Variants in NEK11 observed in about 807,000 individuals in gnomAD.
The protein encoded by NEK11 is NIMA related kinase 11.
A neutral mutation model predicts 80.7 loss-of-function variants in NEK11; 72 were observed. That is an observed-to-expected ratio of 0.89 (90% confidence interval 0.74 to 1.08). The LOEUF is 1.08. NEK11 is among the 50% of genes least tolerant of loss of function. NEK11 has a pLI of 0.00. For synonymous variants in NEK11, 251 were observed against 260.7 expected, an observed-to-expected ratio of 0.96 and a Z score of 0.36; for missense variants, 764 against 763.6, an observed-to-expected ratio of 1.00 and a Z score of -0.01.
chr3:131,071,102 A>G lies in NEK11; in HGVS notation c.171-9321A>G, dbSNP rs531296925. 2.0e-5 allele frequency among the ~76,000 whole-genome samples: 3 copies of G among 152,364 alleles called. No individual in the cohort carries two copies. The South Asian group carries it at 6.2e-4, about 32-fold the overall frequency. ...TCATTTCTCTGAGATATTGTGAAAC[A>G]TCAGAGCAAAACCTTTTTTTTCAGG... is the stretch of plus-strand genomic sequence containing the variant. On this transcript the variant is annotated intron_variant, in intron 3 of 17. Transcript: ENST00000383366.
intron 14 of NEK11, among the ~76,000 whole-genome samples, chr3:131,224,185 A>T (rs1481790014): frequency 6.6e-6 from 1 of 152,176 alleles, no homozygotes; most frequent in East Asian, 1.9e-4. Context: ...ATATTTATGT[A>T]CAGTATAGTG....
intron 17 of NEK11, among the ~76,000 whole-genome samples, chr3:131,276,196 A>G (rs965989669): frequency 3.3e-5 from 5 of 152,252 alleles, no homozygotes; most frequent in African/African-American, 1.2e-4. Context: ...CTTTATCTAT[A>G]AAATGGTCAT....
In NEK11 at chr3:131,050,202, G is replaced by A. The variant is rs371543157; in HGVS notation, c.170+20324G>A. On this transcript the variant is annotated intron_variant, in intron 3 of 17. Coordinates refer to ENST00000383366, the MANE Select transcript of NEK11 (RefSeq NM_024800.5). Reference sequence around the variant, plus strand: ...ATTATTCATAATTCTTTATTACAACGAAATAAAACCTAAAGGTGGAATCAT... The same window carrying A: ...ATTATTCATAATTCTTTATTACAACAAAATAAAACCTAAAGGTGGAATCAT... Among the ~76,000 whole-genome samples the A allele has an allele frequency of 2.2e-4, 33 of 152,184 alleles. No individual in the cohort carries two copies. The East Asian group carries it at 3.3e-3, about 15-fold the overall frequency.
intron 15 of NEK11, among the ~76,000 whole-genome samples, chr3:131,241,765 G>A (rs567170166): frequency 6.6e-6 from 1 of 151,980 alleles, no homozygotes; most frequent in South Asian, 2.1e-4. Context: ...CTAAAAGATA[G>A]GCATGCATAT....
At chr3:131,331,326 T>C (rs2097077468) in intron 17 of NEK11, among the ~76,000 whole-genome samples, 1 of 152,228 alleles carries the variant, frequency 6.6e-6, no homozygotes, top group South Asian at 2.1e-4. Flanking sequence ...TCAGTAGATA[T>C]TTTTAAGTTC....
At chr3:131,221,047 C>T (rs934834342) in intron 14 of NEK11, among the ~76,000 whole-genome samples, 3 of 152,168 alleles carry the variant, frequency 2.0e-5, no homozygotes, top group Non-Finnish European at 4.4e-5. Flanking sequence ...CCCCTCTCCA[C>T]GTTACTCTCC....
At chr3:131,129,012 G>T (rs962170896) in intron 5 of NEK11, among the ~76,000 whole-genome samples, 1 of 141,576 alleles carries the variant, frequency 7.1e-6, no homozygotes, top group African/African-American at 2.6e-5. Flanking sequence ...TTTTCTTATT[G>T]TTGAGTTTTA....
At chr3:131,337,471 G>C (rs979983972) in intron 17 of NEK11, among the ~76,000 whole-genome samples, 7 of 151,742 alleles carry the variant, frequency 4.6e-5, no homozygotes, top group African/African-American at 1.5e-4. Context: ...GTTGTGGGGT[G>C]GGGGGAGTGG....
chr3:131,051,137 C>T (rs2068333315), intron 3 of NEK11, among the ~76,000 whole-genome samples: 2 of 152,164 alleles, frequency 1.3e-5, no homozygotes, highest in African/African-American at 4.8e-5. Context: ...TAAAAATAAT[C>T]AACAAGTTTT....
chr3:131,180,818 T>G (rs989961008), intron 14 of NEK11, among the ~76,000 whole-genome samples: 2 of 152,214 alleles, frequency 1.3e-5, no homozygotes, highest in Non-Finnish European at 2.9e-5. Flanking sequence ...GTGCAATATA[T>G]GTGAGGCATT....
chr3:131,115,905 T>TCTTC (rs2149398822), intron 5 of NEK11, among the ~76,000 whole-genome samples: 1 of 30,280 alleles, frequency 3.3e-5, no homozygotes, highest in East Asian at 8.9e-4. Context: ...GGTAGTGTTT[T>TCTTC]CTTTCTTTCT....
At chr3:131,136,395 G>A (rs908933135) in intron 7 of NEK11, among the ~76,000 whole-genome samples, 2 of 152,140 alleles carry the variant, frequency 1.3e-5, no homozygotes, top group Non-Finnish European at 2.9e-5. Context: ...ATTGAATGAG[G>A]TTGAGAACCT....
chr3:131,211,802 A>G (rs2094627774), intron 14 of NEK11, among the ~76,000 whole-genome samples: 1 of 152,102 alleles, frequency 6.6e-6, no homozygotes, highest in African/African-American at 2.4e-5. Flanking sequence ...TTCTTGTGCC[A>G]TGGTTTTCAT....
At chr3:131,105,719 T>G (rs1317610422) in intron 4 of NEK11, among the ~76,000 whole-genome samples, 2 of 152,184 alleles carry the variant, frequency 1.3e-5, no homozygotes, top group East Asian at 3.9e-4. Context: ...CCCCATGATT[T>G]GATTATCTCC....
At chr3:131,130,128 T>C (rs180995081) in intron 5 of NEK11, among the ~76,000 whole-genome samples, 5 of 152,320 alleles carry the variant, frequency 3.3e-5, no homozygotes, top group Non-Finnish European at 7.4e-5. Context: ...TTGTGTAGCT[T>C]TCCTCATATA....
chr3:131,253,403 G>A (rs2095745554), intron 16 of NEK11, among the ~76,000 whole-genome samples: 1 of 152,080 alleles, frequency 6.6e-6, no homozygotes, highest in South Asian at 2.1e-4. Flanking sequence ...GGGAAGAAAT[G>A]AAAAGGGAAC....
intron 16 of NEK11, among the ~76,000 whole-genome samples, chr3:131,272,967 C>G (rs915161158): frequency 6.6e-6 from 1 of 152,196 alleles, no homozygotes; most frequent in African/African-American, 2.4e-5. Flanking sequence ...CCTTCTGCTC[C>G]ATTCTGCTGA....
chr3:131,158,471 C>G (rs964703989), intron 10 of NEK11, among the ~76,000 whole-genome samples: 2 of 152,190 alleles, frequency 1.3e-5, no homozygotes, highest in African/African-American at 4.8e-5. Context: ...AGCCCTGGCC[C>G]TACCAGCACC....
chr3:131,311,722 G>C (rs1439309345), intron 17 of NEK11, among the ~76,000 whole-genome samples: 1 of 152,216 alleles, frequency 6.6e-6, no homozygotes, highest in Non-Finnish European at 1.5e-5. Flanking sequence ...TTTGCCGCTT[G>C]GAAGTGAGAC....
Sources: allele counts gnomAD v4.1 joint callset (sites outside exome capture counted in the v4.1 genomes callset), GRCh38; gene constraint gnomAD v4.1.1; transcripts MANE v1.5; gene names NCBI Gene and HGNC (gene_info 2026-07-23, HGNC 2026-07-21).